Variants in SNAP29 observed in about 807,000 individuals in gnomAD.
SNAP29 encodes synaptosomal-associated protein 29.
Under a neutral mutation model 27.9 loss-of-function variants are expected in SNAP29, and 13 were observed. The ratio of observed to expected loss-of-function variants is 0.47; its 90% CI spans 0.30 to 0.74. The LOEUF is 0.74. Ranked by LOEUF, SNAP29 falls within the 30% of genes least tolerant of loss-of-function variation. The pLI is 0.06. For missense variants in SNAP29, 368 were observed against 336.5 expected, an observed-to-expected ratio of 1.09 and a Z score of -0.73; for synonymous variants, 119 against 127.1, an observed-to-expected ratio of 0.94 and a Z score of 0.43.
chr22:20,860,207 A>C (rs1023088611), intron 1 of SNAP29, among the ~76,000 whole-genome samples: 5 of 150,148 alleles, frequency 3.3e-5, no homozygotes, highest in African/African-American at 1.2e-4. Flanking sequence ...AAAAAAAAAA[A>C]AACTAGCCGG....
In SNAP29 at chr22:20,887,885, T is replaced by C. The variant is rs1489277935; in HGVS notation, c.*49T>C. 2 of 1,560,540 alleles carry C rather than the reference T, an allele frequency of 1.3e-6. No individual in the cohort carries two copies. Among genetic ancestry groups the C allele is most frequent in the Admixed American group, 3.4e-5 (2 of 59,696 alleles). ...TGTGATGAAAAGATTTGAAAGATCT[T>C]TTTTTGAACTTCCAAGAAATTTCAT... On this transcript the variant is annotated 3_prime_UTR_variant, in exon 5 of 5. Coordinates refer to ENST00000215730, the MANE Select transcript of SNAP29 (RefSeq NM_004782.4).
At chr22:20,873,755 G>T (rs1268831515) in intron 2 of SNAP29, among the ~76,000 whole-genome samples, 1 of 146,394 alleles carries the variant, frequency 6.8e-6, no homozygotes, top group African/African-American at 2.5e-5. Context: ...ATCGTTTGAG[G>T]TCAGGAGTGT....
intron 3 of SNAP29, among the ~76,000 whole-genome samples, chr22:20,881,564 A>G: frequency 6.6e-6 from 1 of 152,178 alleles, no homozygotes; most frequent in South Asian, 2.1e-4. Flanking sequence ...AAAATTAGCC[A>G]AATGTGGTGG....
At chr22:20,865,403 T>C (rs1928434435) in intron 1 of SNAP29, among the ~76,000 whole-genome samples, 1 of 151,884 alleles carries the variant, frequency 6.6e-6, no homozygotes, top group South Asian at 2.1e-4. Context: ...TTTGCTGGCT[T>C]GTTGGCTGTA....
At chr22:20,884,556 TTC>T (rs1235545553) in intron 4 of SNAP29, among the ~76,000 whole-genome samples, 1 of 152,122 alleles carries the variant, frequency 6.6e-6, no homozygotes, top group Admixed American at 6.6e-5. Context: ...CTCCTTCTCT[TTC>T]TGTCAGTCTT....
chr22:20,878,583 A>AAAAAGGC (rs1041265772), intron 2 of SNAP29, among the ~76,000 whole-genome samples: 6 of 152,054 alleles, frequency 3.9e-5, no homozygotes, highest in Admixed American at 2.0e-4. Flanking sequence ...GTCTCAAAAA[A>AAAAAGGC]AAAAGGCAAG....
Position 20,890,455 on chromosome 22 carries a change from G to A in SNAP29, c.*2619G>A, listed in dbSNP as rs2147876473. The A allele has an allele frequency of 2.5e-6, 1 of 397,812 alleles. No individual in the cohort carries two copies. The highest frequency in any genetic ancestry group is 4.4e-6 in the Non-Finnish European group (1 of 225,660). The allele number at this position is 397,812 out of a possible 1,614,324, so 24.6% of individuals were successfully genotyped here. On this transcript the variant is annotated 3_prime_UTR_variant, in exon 5 of 5. Transcript: ENST00000215730. ...TTAAGGTTGGTTATATGTTAAGTGT[G>A]CTACTAACTTAAAAAATAGTGGCTG...
rs992043602 is a variant in SNAP29 at position 20,888,824 on chromosome 22, C to G, written c.*988C>G. The G allele has an allele frequency of 1.3e-5, 2 of 152,220 alleles. No individual in the cohort carries two copies. The highest frequency in any genetic ancestry group is 4.8e-5 in the African/African-American group (2 of 41,448). 9.4% of individuals were successfully genotyped at this position (152,220 alleles called of 1,614,324 possible). On this transcript the variant is annotated 3_prime_UTR_variant, in exon 5 of 5. Coordinates refer to ENST00000215730, the MANE Select transcript of SNAP29 (RefSeq NM_004782.4). ...TAGCATTCCCACCCACTCTTCTGCA[C>G]TTCTTGCAAGGTAACTTGAATCATC... is the stretch of plus-strand genomic sequence containing the variant.
At chr22:20,862,240 A>G (rs1174405419) in intron 1 of SNAP29, among the ~76,000 whole-genome samples, 1 of 152,246 alleles carries the variant, frequency 6.6e-6, no homozygotes, top group African/African-American at 2.4e-5. Context: ...AAGGAATTCA[A>G]CTAACAACTA....
At chr22:20,867,529 T>C (rs747665940) in intron 1 of SNAP29, among the ~76,000 whole-genome samples, 1 of 152,140 alleles carries the variant, frequency 6.6e-6, no homozygotes, top group Non-Finnish European at 1.5e-5. Context: ...TCCGGTCATT[T>C]CCTCTGCCTT....
chr22:20,882,749 T>C (rs1356443267), intron 3 of SNAP29, among the ~76,000 whole-genome samples: 2 of 152,170 alleles, frequency 1.3e-5, no homozygotes, highest in African/African-American at 4.8e-5. Flanking sequence ...GTGCAGTATA[T>C]ATTAACTTAA....
At chr22:20,862,143 A>G (rs1382572999) in intron 1 of SNAP29, among the ~76,000 whole-genome samples, 1 of 152,134 alleles carries the variant, frequency 6.6e-6, no homozygotes, top group East Asian at 1.9e-4. Flanking sequence ...TCCATTCTAA[A>G]TGGGAAGTCT....
At position 20,870,362 on chromosome 22, in the gene SNAP29, T is replaced by C; in HGVS notation, c.263T>C (p.Leu88Pro). Reference sequence around the variant, plus strand: ...GAGCTCGCCCGTCAGCGAGGAGTCCTGGAGCGCACAGAGAAGATGGTGGAC... The same window carrying C: ...GAGCTCGCCCGTCAGCGAGGAGTCCCGGAGCGCACAGAGAAGATGGTGGAC... ...SEELARQRGV[L>P]ERTEKMVDKM... The change falls in exon 2 of 5, where the codon CTG becomes CCG. Residue 88 changes from leucine to proline, a missense_variant. By Grantham distance (98) the Leu-to-Pro change is moderately conservative. Transcript: ENST00000215730. 6.2e-7 allele frequency: 1 copy of C among 1,614,148 alleles called. No individual in the cohort carries two copies. The highest frequency in any genetic ancestry group is 8.5e-7 in the Non-Finnish European group (1 of 1,180,010).
intron 4 of SNAP29, among the ~76,000 whole-genome samples, chr22:20,886,112 C>CTT (rs362122): frequency 4.8e-5 from 7 of 145,750 alleles, no homozygotes; most frequent in Non-Finnish European, 7.6e-5. Flanking sequence ...GAAGACTTAT[C>CTT]TTTTTTTTTT....
In SNAP29 at chr22:20,888,939, C is replaced by T. The variant is rs1235392632; in HGVS notation, c.*1103C>T. On this transcript the variant is annotated 3_prime_UTR_variant, in exon 5 of 5. Transcript: ENST00000215730. Reference sequence around the variant, plus strand: ...AGGATTTTGCTAAGGGGGCAAAAAGCCCAGATACCATTTTAACTGGCCCAG... The same window carrying T: ...AGGATTTTGCTAAGGGGGCAAAAAGTCCAGATACCATTTTAACTGGCCCAG... 2 of 152,198 alleles carry T rather than the reference C, an allele frequency of 1.3e-5. No individual in the cohort carries two copies. The highest frequency in any genetic ancestry group is 2.9e-5 in the Non-Finnish European group (2 of 68,042). The allele number at this position is 152,198 out of a possible 1,614,324, so 9.4% of individuals were successfully genotyped here.
intron 1 of SNAP29, among the ~76,000 whole-genome samples, chr22:20,863,510 C>A (rs1261428526): frequency 2.0e-5 from 3 of 152,202 alleles, no homozygotes; most frequent in African/African-American, 7.2e-5. Flanking sequence ...TTGTTTCTCA[C>A]AAAGGCTCAG....
At chr22:20,882,071 T>TG (rs939194538) in intron 3 of SNAP29, among the ~76,000 whole-genome samples, 4 of 151,860 alleles carry the variant, frequency 2.6e-5, no homozygotes, top group Non-Finnish European at 4.4e-5. Context: ...GGGGCCCACC[T>TG]GCCAAGGTAC....
At chr22:20,880,044 G>A (rs1427516778) in intron 2 of SNAP29, among the ~76,000 whole-genome samples, 1 of 151,612 alleles carries the variant, frequency 6.6e-6, no homozygotes, top group Non-Finnish European at 1.5e-5. Context: ...TAATAGTTGA[G>A]TACAGTATTC....
At chr22:20,873,335 C>G (rs1381064723) in intron 2 of SNAP29, among the ~76,000 whole-genome samples, 1 of 150,528 alleles carries the variant, frequency 6.6e-6, no homozygotes, top group Non-Finnish European at 1.5e-5. Flanking sequence ...TTTAATGCAT[C>G]ACTAAGGTAC....
Sources: allele counts gnomAD v4.1 joint callset (sites outside exome capture counted in the v4.1 genomes callset), GRCh38; gene constraint gnomAD v4.1.1; transcripts MANE v1.5; gene names NCBI Gene and HGNC (gene_info 2026-07-23, HGNC 2026-07-21).